The following ZDHHC20 variants were observed in gnomAD, a reference collection of about 807,000 sequenced individuals.
The protein encoded by ZDHHC20 is zDHHC palmitoyltransferase 20, also known as palmitoyltransferase ZDHHC20.
A neutral mutation model predicts 57.8 loss-of-function variants in ZDHHC20; 43 were observed. The observed-to-expected ratio is 0.74, with a 90% CI of 0.58 to 0.96. ZDHHC20 has a LOEUF of 0.96. Among genes scored for constraint, ZDHHC20 ranks in the 40% least tolerant of loss-of-function variants. The probability of loss-of-function intolerance (pLI) is 0.00; values close to 1 mark genes in which losing one functional copy is unlikely to be tolerated. For missense variants in ZDHHC20, 391 were observed against 441.1 expected, an observed-to-expected ratio of 0.89 and a Z score of 1.02; for synonymous variants, 157 against 153.0, an observed-to-expected ratio of 1.03 and a Z score of -0.19.
intron 7 of ZDHHC20, 92 bp downstream of exon 7, chr13:21,400,281 T>C (rs893456978): frequency 8.2e-7 from 1 of 1,226,062 alleles, no homozygotes; most frequent in African/African-American, 1.6e-5. Context: ...AATTAAAGTA[T>C]ATCTACTTGT....
At chr13:21,456,566 A>G (rs892756554) in intron 1 of ZDHHC20, among the ~76,000 whole-genome samples, 2 of 152,222 alleles carry the variant, frequency 1.3e-5, no homozygotes, top group Admixed American at 1.3e-4. Flanking sequence ...AAACAAATAC[A>G]TACAAGTAGT....
At chr13:21,396,965 G>A (rs373124592) in intron 7 of ZDHHC20, among the ~76,000 whole-genome samples, 4 of 152,226 alleles carry the variant, frequency 2.6e-5, no homozygotes, top group African/African-American at 7.2e-5. Flanking sequence ...AGATATATGC[G>A]TTGTAAATAT....
intron 1 of ZDHHC20, among the ~76,000 whole-genome samples, chr13:21,443,993 T>C (rs1330869458): frequency 6.6e-6 from 1 of 152,092 alleles, no homozygotes; most frequent in African/African-American, 2.4e-5. Context: ...CCATCTCTAC[T>C]AAAAATACAA....
rs1256771864 is a variant in ZDHHC20 at position 21,375,069 on chromosome 13, G to A, written c.*1627C>T. On this transcript the variant is annotated 3_prime_UTR_variant, in exon 13 of 13. Transcript: ENST00000400590. ...GACTCTATTGAACCTGGAAGGCAGA[G>A]GTTGCAGCGAGCCAAGATCCCGCCA... is the stretch of plus-strand genomic sequence containing the variant. The A allele has an allele frequency of 2.2e-6, 1 of 453,426 alleles. No homozygotes were observed. The highest frequency in any genetic ancestry group is 4.4e-6 in the Non-Finnish European group (1 of 226,072). The allele number at this position is 453,426 out of a possible 1,614,324, so 28.1% of individuals were successfully genotyped here.
Position 21,400,399 on chromosome 13 carries a change from A to C in ZDHHC20, c.568T>G (p.Leu190Val), listed in dbSNP as rs1463876832. Residue 190 changes from leucine to valine, a missense_variant, in exon 7 of 13, where the codon TTA becomes GTA. Transcript: ENST00000400590. Reference protein sequence around the residue: ...LYCLFVAATVLEYFIKFWTNE... With the variant: ...LYCLFVAATVVEYFIKFWTNE... ...GTCCAAAATTTTATAAAGTACTCTA[A>C]AACTGTTGCAGCCACGAAAAGGCAA... 2.2e-5 allele frequency: 35 copies of C among 1,601,148 alleles called. No individual in the cohort carries two copies. The highest frequency in any genetic ancestry group is 3.0e-5 in the Non-Finnish European group (35 of 1,176,560).
intron 4 of ZDHHC20, among the ~76,000 whole-genome samples, chr13:21,407,197 T>C (rs1033965105): frequency 7.2e-5 from 11 of 152,148 alleles, no homozygotes; most frequent in African/African-American, 2.7e-4. Flanking sequence ...GGTTTCACCA[T>C]GTTGGTCAGG....
intron 2 of ZDHHC20, among the ~76,000 whole-genome samples, chr13:21,422,368 TTTTCC>T (rs925345673): frequency 8.6e-4 from 131 of 152,264 alleles, no homozygotes; most frequent in African/African-American, 3.0e-3. Flanking sequence ...CTGAGGTTTA[TTTTCC>T]TTTATGTTTT....
At position 21,421,079 on chromosome 13, in the gene ZDHHC20, G is replaced by T; in HGVS notation, c.231C>A (p.Pro77=). 6.2e-7 allele frequency: 1 copy of T among 1,612,430 alleles called. No homozygotes were observed. The highest frequency in any genetic ancestry group is 1.1e-5 in the South Asian group (1 of 90,978). ...WSYWMTIFTS[P]ASPSKEFYLS... Reference sequence around the variant, plus strand: ...AATTTACCTCTTTGGAGGGGGAAGCGGGAGATGTGAAAATTGTCATCCAAT... The same window carrying T: ...AATTTACCTCTTTGGAGGGGGAAGCTGGAGATGTGAAAATTGTCATCCAAT... The change falls in exon 3 of 13, where the codon CCC becomes CCA. Residue 77 remains proline, a synonymous_variant. Transcript: ENST00000400590.
intron 1 of ZDHHC20, among the ~76,000 whole-genome samples, chr13:21,433,473 C>G (rs987661038): frequency 1.3e-5 from 2 of 152,080 alleles, no homozygotes; most frequent in East Asian, 3.9e-4. Flanking sequence ...AAAAATTAGC[C>G]GGGCGTGGTG....
chr13:21,404,908 A>G (rs1038270070), intron 4 of ZDHHC20, among the ~76,000 whole-genome samples: 2 of 152,230 alleles, frequency 1.3e-5, no homozygotes, highest in African/African-American at 4.8e-5. Flanking sequence ...AACAGAGTAT[A>G]CTTTGAAGCA....
At chr13:21,459,018 C>G (rs752994003) in intron 1 of ZDHHC20, 36 bp downstream of exon 1, 25 of 1,537,014 alleles carry the variant, frequency 1.6e-5, no homozygotes, top group Non-Finnish European at 2.1e-5. Context: ...TAGCCGCGGC[C>G]CGCGCCCCGC....
intron 1 of ZDHHC20, among the ~76,000 whole-genome samples, chr13:21,436,382 G>A (rs1233410924): frequency 6.6e-6 from 1 of 152,138 alleles, no homozygotes; most frequent in African/African-American, 2.4e-5. Context: ...CGAAGGTTGT[G>A]GCAACCCTGC....
intron 1 of ZDHHC20, among the ~76,000 whole-genome samples, chr13:21,428,218 T>TTTTTG (rs1199580915): frequency 9.2e-5 from 14 of 152,184 alleles, no homozygotes; most frequent in Middle Eastern, 3.4e-3. Context: ...ATATTTTTCT[T>TTTTTG]TTTTGTTTTG....
intron 4 of ZDHHC20, among the ~76,000 whole-genome samples, chr13:21,411,994 G>A (rs56188365): frequency 0.12 from 18,389 of 152,252 alleles, 1,310 homozygotes; most frequent in African/African-American, 0.19. Flanking sequence ...CACGAGTGGA[G>A]CTCTAGTGAG....
intron 7 of ZDHHC20, among the ~76,000 whole-genome samples, chr13:21,396,637 A>C (rs995966849): frequency 2.0e-5 from 3 of 152,056 alleles, no homozygotes; most frequent in African/African-American, 7.2e-5. Flanking sequence ...GTTCAAGATC[A>C]GTCTGGCCAA....
chr13:21,456,597 G>A (rs745607807), intron 1 of ZDHHC20, among the ~76,000 whole-genome samples: 16 of 152,140 alleles, frequency 1.1e-4, no homozygotes, highest in Non-Finnish European at 1.8e-4. Flanking sequence ...GTTTTAATAT[G>A]AGTAAATGCA....
intron 4 of ZDHHC20, among the ~76,000 whole-genome samples, chr13:21,409,276 C>G (rs982920688): frequency 4.6e-5 from 7 of 152,320 alleles, no homozygotes; most frequent in Non-Finnish European, 1.0e-4. Context: ...ACTACTGCCT[C>G]AATTTCAGAA....
chr13:21,400,858 CCAA>C (rs1877523435), intron 6 of ZDHHC20, among the ~76,000 whole-genome samples: 1 of 151,834 alleles, frequency 6.6e-6, no homozygotes, highest in South Asian at 2.1e-4. Flanking sequence ...TTACAGGCGC[CCAA>C]CACAACAGCC....
intron 11 of ZDHHC20, among the ~76,000 whole-genome samples, chr13:21,380,724 G>A (rs966394521): frequency 3.3e-5 from 5 of 151,442 alleles, no homozygotes; most frequent in Middle Eastern, 3.4e-3. Context: ...CCCGGGAGGC[G>A]GAGGTTGCAG....
Sources: gnomAD v4.1 joint callset for allele counts (sites outside exome capture counted in the v4.1 genomes callset) on GRCh38, gnomAD v4.1.1 for gene constraint, MANE v1.5 for transcripts, NCBI Gene and HGNC (gene_info 2026-07-23, HGNC 2026-07-21) for gene names.